ARHGAP26: variants seen among roughly 807,000 people sequenced by gnomAD.
ARHGAP26 encodes rho GTPase-activating protein 26.
In ARHGAP26, 38 loss-of-function variants were observed where a neutral mutation model predicts 104.8. The ratio of observed to expected loss-of-function variants is 0.36; its 90% CI spans 0.28 to 0.48. The LOEUF (loss-of-function observed/expected upper bound fraction) is 0.48, where lower values mean the gene tolerates loss of function less well. ARHGAP26 is among the 20% of genes least tolerant of loss of function. The pLI, the probability that ARHGAP26 is intolerant of heterozygous loss-of-function variation, is 0.99. For missense variants in ARHGAP26, 704 were observed against 947.9 expected, an observed-to-expected ratio of 0.74 and a Z score of 3.38; for synonymous variants, 341 against 340.0, an observed-to-expected ratio of 1.00 and a Z score of -0.03.
chr5:143,098,205 T>C (rs1217843358), intron 17 of ARHGAP26, among the ~76,000 whole-genome samples: 1 of 152,212 alleles, frequency 6.6e-6, no homozygotes, highest in South Asian at 2.1e-4. Context: ...TGACCATAAG[T>C]TCTAATGTTA....
chr5:143,024,586 G>A (rs1440441830), intron 12 of ARHGAP26, among the ~76,000 whole-genome samples: 1 of 152,176 alleles, frequency 6.6e-6, no homozygotes, highest in Non-Finnish European at 1.5e-5. Flanking sequence ...ACCGAGTACA[G>A]GCTTCCAGTT....
At position 142,976,823 on chromosome 5, in the gene ARHGAP26, A is replaced by G. The variant is rs375245203; in HGVS notation, c.1108-37257A>G. ...TTTAGATTTTGAACCTGCTGGTTCA[A>G]ACTTTTCTGTGTTTGCCATCATCCT... On this transcript the variant is annotated intron_variant, in intron 11 of 22. Coordinates refer to ENST00000645722, the MANE Select transcript of ARHGAP26 (RefSeq NM_001135608.3). Among the ~76,000 whole-genome samples the G allele has an allele frequency of 8.3e-4, 127 of 152,304 alleles. 1 individual carries two copies. In the South Asian group the frequency reaches 0.026, roughly 31 times the overall value.
intron 11 of ARHGAP26, among the ~76,000 whole-genome samples, chr5:142,975,786 T>C (rs1772987759): frequency 6.6e-6 from 1 of 152,258 alleles, no homozygotes; most frequent in Non-Finnish European, 1.5e-5. Context: ...CCAGTCTTTG[T>C]GTCCTGGGTT....
intron 1 of ARHGAP26, chr5:142,868,857 C>T (rs531793873): frequency 6.6e-6 from 1 of 152,664 alleles, no homozygotes; most frequent in East Asian, 1.9e-4. Flanking sequence ...CATGGGTCCT[C>T]TCTGGAGACT....
chr5:142,971,710 G>C, intron 11 of ARHGAP26, among the ~76,000 whole-genome samples: 1 of 152,064 alleles, frequency 6.6e-6, no homozygotes, highest in East Asian at 1.9e-4. Context: ...AATTATCCCT[G>C]TTTTGCATTT....
chr5:142,875,965 A>G (rs576071451), intron 3 of ARHGAP26, among the ~76,000 whole-genome samples: 4 of 152,186 alleles, frequency 2.6e-5, no homozygotes, highest in East Asian at 1.9e-4. Context: ...CTGATCTCGA[A>G]CTCCAAACCT....
intron 1 of ARHGAP26, among the ~76,000 whole-genome samples, chr5:142,780,214 A>G (rs78940713): frequency 0.042 from 6,295 of 151,314 alleles, 277 homozygotes; most frequent in African/African-American, 0.092. Flanking sequence ...ATTGTATTCT[A>G]TTGTATGAAT....
chr5:142,963,198 A>ATATATATATATATGTGTGTG, intron 11 of ARHGAP26, among the ~76,000 whole-genome samples: 1 of 98,338 alleles, frequency 1.0e-5, no homozygotes, highest in East Asian at 9.4e-4. Flanking sequence ...ATATATATAT[A>ATATATATATATATGTGTGTG]TGTGTGTGTG....
At chr5:142,956,791 T>C (rs942173028) in intron 11 of ARHGAP26, among the ~76,000 whole-genome samples, 1 of 152,162 alleles carries the variant, frequency 6.6e-6, no homozygotes, top group African/African-American at 2.4e-5. Flanking sequence ...CTCACAATTA[T>C]GGCGGAGGGT....
At chr5:143,193,240 CTTTTTTTTTT>C (rs57462040) in intron 20 of ARHGAP26, among the ~76,000 whole-genome samples, 5 of 74,622 alleles carry the variant, frequency 6.7e-5, no homozygotes, top group African/African-American at 1.8e-4. Context: ...ATTTTCTTTT[CTTTTTTTTTT>C]TTTTTTTTTT....
intron 1 of ARHGAP26, among the ~76,000 whole-genome samples, chr5:142,820,783 T>C (rs1766007376): frequency 6.6e-6 from 1 of 152,244 alleles, no homozygotes; most frequent in African/African-American, 2.4e-5. Context: ...TTTAAGCAAT[T>C]GCAATGTGTC....
intron 20 of ARHGAP26, among the ~76,000 whole-genome samples, chr5:143,191,099 G>T (rs1481248993): frequency 6.6e-6 from 1 of 152,206 alleles, no homozygotes; most frequent in African/African-American, 2.4e-5. Flanking sequence ...TTATAAAACT[G>T]AATATGGATG....
At chr5:143,011,894 C>A (rs966804107) in intron 11 of ARHGAP26, among the ~76,000 whole-genome samples, 2 of 152,142 alleles carry the variant, frequency 1.3e-5, no homozygotes, top group African/African-American at 4.8e-5. Context: ...TAGTAGAGTC[C>A]AAAGCGCTTG....
intron 19 of ARHGAP26, among the ~76,000 whole-genome samples, chr5:143,145,215 C>T (rs1187922507): frequency 1.3e-5 from 2 of 152,220 alleles, no homozygotes; most frequent in East Asian, 1.9e-4. Context: ...TGATAATCCT[C>T]TCCTGGAAAA....
intron 17 of ARHGAP26, among the ~76,000 whole-genome samples, chr5:143,059,039 TA>T (rs1242032945): frequency 6.6e-6 from 1 of 152,204 alleles, no homozygotes; most frequent in African/African-American, 2.4e-5. Context: ...CTTTAAAAAG[TA>T]ACTCCAGATG....
intron 11 of ARHGAP26, among the ~76,000 whole-genome samples, chr5:142,993,787 A>G (rs1020153678): frequency 2.6e-5 from 4 of 151,908 alleles, no homozygotes; most frequent in Non-Finnish European, 4.4e-5. Flanking sequence ...CTAGGACTAC[A>G]GGTGCATGCC....
intron 8 of ARHGAP26, among the ~76,000 whole-genome samples, 168 bp downstream of exon 8, chr5:142,903,837 C>T (rs1246724157): frequency 1.3e-5 from 2 of 152,156 alleles, no homozygotes; most frequent in Admixed American, 1.3e-4. Context: ...AGAATCTTGT[C>T]TACCTTTGTT....
intron 20 of ARHGAP26, among the ~76,000 whole-genome samples, chr5:143,181,501 A>G (rs1364293358): frequency 6.6e-6 from 1 of 152,178 alleles, no homozygotes; most frequent in African/African-American, 2.4e-5. Context: ...TTAGGGAAGC[A>G]TCATCCCCAG....
chr5:142,857,438 C>T (rs367692345), intron 1 of ARHGAP26, among the ~76,000 whole-genome samples: 1 of 152,072 alleles, frequency 6.6e-6, no homozygotes, highest in African/African-American at 2.4e-5. Flanking sequence ...GCTGAGGGCT[C>T]CTGGGTACAA....
Sources: allele counts gnomAD v4.1 joint callset (sites outside exome capture counted in the v4.1 genomes callset), GRCh38; gene constraint gnomAD v4.1.1; transcripts MANE v1.5; gene names NCBI Gene and HGNC (gene_info 2026-07-23, HGNC 2026-07-21).